FHIP2A: variants seen among roughly 807,000 people sequenced by gnomAD.
FHIP2A encodes FHF complex subunit HOOK interacting protein 2A, also known as family with sequence similarity 160 member B1.
A neutral mutation model predicts 93.5 loss-of-function variants in FHIP2A; 46 were observed. That is an observed-to-expected ratio of 0.49 (90% CI 0.39 to 0.63). The LOEUF (loss-of-function observed/expected upper bound fraction) is 0.63. FHIP2A is among the 20% of genes least tolerant of loss of function. The pLI is 0.00. For missense variants in FHIP2A, 769 were observed against 909.7 expected (o/e 0.85, Z 1.99); for synonymous variants, 332 against 326.5 (o/e 1.02, Z -0.18).
chr10:114,875,448 CT>C (rs2083880072), intron 16 of FHIP2A, among the ~76,000 whole-genome samples: 1 of 152,104 alleles, frequency 6.6e-6, no homozygotes, highest in Admixed American at 6.6e-5. Context: ...AATCCCAGCA[CT>C]TTGGCAGGCT....
At position 114,829,812 on chromosome 10, in the gene FHIP2A, T is replaced by C. The variant is rs149330602; in HGVS notation, c.46-1040T>C. Among the ~76,000 whole-genome samples the C allele has an allele frequency of 1.3e-3, 199 of 152,312 alleles. 1 individual carries two copies. The highest frequency in any genetic ancestry group is 3.3e-3 in the South Asian group (16 of 4,826). ...CTTTAAGGAAAAGAAATGTAGAAAG[T>C]GTATGCAAATCTTTTTCTATCCATT... On this transcript the variant is annotated intron_variant, in intron 1 of 16. Coordinates refer to ENST00000369248, the MANE Select transcript of FHIP2A (RefSeq NM_020940.4).
chr10:114,835,626 G>A lies in FHIP2A; in HGVS notation c.384G>A (p.Val128=), dbSNP rs1393784839. The A allele has an allele frequency of 6.2e-7, 1 of 1,605,510 alleles. No homozygotes were observed. The highest frequency in any genetic ancestry group is 1.7e-5 in the Admixed American group (1 of 59,828). ...AGCCACTACTTCCACACATTAACGT[G>A]CACAGGCCAGTGCAGGTATTTTGTT... ...IRQPLLPHIN[V]HRPVQKLIRL... is the part of the protein sequence containing the mutation. Residue 128 remains valine (V), a synonymous_variant, in exon 4 of 17, where the codon GTG becomes GTA. Transcript: ENST00000369248.
intron 16 of FHIP2A, among the ~76,000 whole-genome samples, chr10:114,896,573 C>T (rs896652222): frequency 3.3e-5 from 5 of 152,352 alleles, no homozygotes; most frequent in Admixed American, 2.6e-4. Context: ...TTTGGAAAGG[C>T]TCATCAGAAA....
chr10:114,831,983 A>G (rs2083610696), intron 2 of FHIP2A, among the ~76,000 whole-genome samples: 1 of 152,238 alleles, frequency 6.6e-6, no homozygotes, highest in Non-Finnish European at 1.5e-5. Context: ...GTTAGTATAC[A>G]TACAGACAAA....
intron 14 of FHIP2A, among the ~76,000 whole-genome samples, chr10:114,855,870 G>T (rs952581868): frequency 6.6e-6 from 1 of 152,180 alleles, no homozygotes; most frequent in African/African-American, 2.4e-5. Context: ...ATCACCATCA[G>T]CTGATAAGTT....
intron 13 of FHIP2A, among the ~76,000 whole-genome samples, chr10:114,851,735 A>AAAAAAAAAAC (rs2083737746): frequency 6.7e-6 from 1 of 150,216 alleles, no homozygotes. Flanking sequence ...AAAAAAAAAA[A>AAAAAAAAAAC]AGCAATTGAA....
At chr10:114,826,597 G>T (rs1012765344) in intron 1 of FHIP2A, among the ~76,000 whole-genome samples, 1 of 152,160 alleles carries the variant, frequency 6.6e-6, no homozygotes, top group African/African-American at 2.4e-5. Context: ...GATTGGAGTT[G>T]TTATAGAAGG....
chr10:114,855,383 A>G lies in FHIP2A; in HGVS notation c.1947+43A>G, dbSNP rs148387217. 1.3e-3 allele frequency: 2,002 copies of G among 1,528,600 alleles called. 15 individuals carry two copies. The African/African-American group carries it at 0.024, about 19-fold the overall frequency. 94.7% of individuals were successfully genotyped at this position (1,528,600 alleles called of 1,614,324 possible). A position where few individuals can be genotyped will look rare whatever the true frequency, so the allele number is the denominator to read the frequency against. ...ACTAATTTTCATATTTTTTTTTGCC[A>G]TTCACCACAGAATCATCTCAAGTCT... On this transcript the variant is annotated intron_variant, in intron 14 of 16. Coordinates refer to ENST00000369248, the MANE Select transcript of FHIP2A (RefSeq NM_020940.4).
chr10:114,846,044 A>T lies in FHIP2A; in HGVS notation c.1160A>T (p.His387Leu), dbSNP rs889252881. Residue 387 changes from histidine (H) to leucine (L), a missense_variant, in exon 9 of 17, where the codon CAT (histidine) becomes CTT (leucine). By Grantham distance (99) the His-to-Leu change is moderately conservative. Coordinates refer to ENST00000369248, the MANE Select transcript of FHIP2A (RefSeq NM_020940.4). ...GCTGTTGCTCTTGCCAAAGCTGTTC[A>T]TGAAAGATTTTTCATTGGTGTTATG... ...TAAVALAKAVHERFFIGVMEP... is the reference protein window; with the variant it reads ...TAAVALAKAVLERFFIGVMEP... 5.6e-6 allele frequency: 9 copies of T among 1,613,912 alleles called. No individual in the cohort carries two copies. The highest frequency in any genetic ancestry group is 7.6e-6 in the Non-Finnish European group (9 of 1,179,972).
chr10:114,873,745 C>T lies in FHIP2A; in HGVS notation c.2192+12411C>T, dbSNP rs918453169. Among the ~76,000 whole-genome samples, 4 of 152,108 alleles carry T rather than the reference C, an allele frequency of 2.6e-5. No homozygotes were observed. In the South Asian group the frequency reaches 8.3e-4, roughly 32 times the overall value. ...CCTTTGGGAACAGTTTCAGTTGGTTCCTGTGTCTCTTTAACATACCCCCAT... is the reference window on the plus strand; with the variant it reads ...CCTTTGGGAACAGTTTCAGTTGGTTTCTGTGTCTCTTTAACATACCCCCAT... On this transcript the variant is annotated intron_variant, in intron 16 of 16. Transcript: ENST00000369250.
In FHIP2A at chr10:114,861,977, A is replaced by C; in HGVS notation, c.*437A>C. 1 of 982,728 alleles carries C rather than the reference A, an allele frequency of 1.0e-6. No individual in the cohort carries two copies. Among genetic ancestry groups the C allele is most frequent in the Non-Finnish European group, 1.2e-6 (1 of 827,040 alleles). The allele number at this position is 982,728 out of a possible 1,614,324, so 60.9% of individuals were successfully genotyped here. On this transcript the variant is annotated 3_prime_UTR_variant, in exon 17 of 17. Coordinates refer to ENST00000369248, the MANE Select transcript of FHIP2A (RefSeq NM_020940.4). ...GTAGCAAAAAAAAATCACTAATTTTATAACTTTTTAAGGTCAGAATTCTTA... is the reference window on the plus strand; with the variant it reads ...GTAGCAAAAAAAAATCACTAATTTTCTAACTTTTTAAGGTCAGAATTCTTA...
intron 3 of FHIP2A, among the ~76,000 whole-genome samples, chr10:114,835,181 G>A (rs1348710116): frequency 1.3e-5 from 2 of 152,116 alleles, no homozygotes; most frequent in Non-Finnish European, 2.9e-5. Flanking sequence ...TTCCAGCGGG[G>A]TGTTAACTAT....
At chr10:114,867,202 C>T (rs1454411088), downstream of FHIP2A, among the ~76,000 whole-genome samples, 3 of 139,002 alleles carry the variant, frequency 2.2e-5, no homozygotes, top group African/African-American at 7.9e-5. Context: ...GAGTGAGACT[C>T]CATCTCAAAA....
Position 114,847,161 on chromosome 10 carries a change from G to T in FHIP2A, c.1640G>T (p.Ser547Ile). The T allele has an allele frequency of 6.2e-7, 1 of 1,613,586 alleles. No homozygotes were observed. Among genetic ancestry groups the T allele is most frequent in the South Asian group, 1.1e-5 (1 of 91,044 alleles). The change falls in exon 12 of 17, where the codon AGT becomes ATT. Residue 547 changes from serine to isoleucine, a missense_variant. Coordinates refer to ENST00000369248, the MANE Select transcript of FHIP2A (RefSeq NM_020940.4). ...ACTTTGCCAAACCAAGAGTGGCTTAGTTCTTCACCTCCTGCTACTCCAGAC... is the reference window on the plus strand; with the variant it reads ...ACTTTGCCAAACCAAGAGTGGCTTATTTCTTCACCTCCTGCTACTCCAGAC... The part of the protein sequence containing the change: ...ENTLPNQEWL[S>I]SSPPATPDHP...
chr10:114,892,331 T>C (rs552629424), intron 16 of FHIP2A, among the ~76,000 whole-genome samples: 25 of 152,302 alleles, frequency 1.6e-4, no homozygotes, highest in Middle Eastern at 3.4e-3. Flanking sequence ...TAGGTATACA[T>C]ATGTGCCATA....
rs1222597163 is a variant in FHIP2A, at chr10:114,863,423, C to T, written c.*1883C>T. 5 of 1,057,512 alleles carry T rather than the reference C, an allele frequency of 4.7e-6. No individual in the cohort carries two copies. The highest frequency in any genetic ancestry group is 5.7e-6 in the Non-Finnish European group (5 of 872,320). The allele number at this position is 1,057,512 out of a possible 1,614,324, so 65.5% of individuals were successfully genotyped here. ...GTAGCAATGATATTACCTCTGAAACCAAATACTCTTTTATCCTTGATTCCA... is the reference window on the plus strand; with the variant it reads ...GTAGCAATGATATTACCTCTGAAACTAAATACTCTTTTATCCTTGATTCCA... On this transcript the variant is annotated 3_prime_UTR_variant, in exon 17 of 17. Coordinates refer to ENST00000369248, the MANE Select transcript of FHIP2A (RefSeq NM_020940.4).
chr10:114,862,334 C>G lies in FHIP2A; in HGVS notation c.*794C>G, dbSNP rs2083805398. The G allele has an allele frequency of 1.0e-6, 1 of 987,386 alleles. No individual in the cohort carries two copies. The highest frequency in any genetic ancestry group is 1.2e-6 in the Non-Finnish European group (1 of 830,034). The allele number at this position is 987,386 out of a possible 1,614,324, so 61.2% of individuals were successfully genotyped here. A position where few individuals can be genotyped will look rare whatever the true frequency, so the allele number is the denominator to read the frequency against. On this transcript the variant is annotated 3_prime_UTR_variant, in exon 17 of 17. Transcript: ENST00000369248. ...AATTGTATTTTTTTAAGCTAAGTAA[C>G]ATGTACTGGGTTGAGAACCTTTTTC...
chr10:114,841,225 A>G (rs1450180930), intron 5 of FHIP2A, among the ~76,000 whole-genome samples: 3 of 151,992 alleles, frequency 2.0e-5, no homozygotes, highest in African/African-American at 4.8e-5. Context: ...GCCTCTCCCA[A>G]CAATATTACT....
chr10:114,891,543 G>A (rs1189334827), intron 16 of FHIP2A, among the ~76,000 whole-genome samples: 1 of 126,770 alleles, frequency 7.9e-6, no homozygotes, highest in Non-Finnish European at 1.6e-5. Context: ...ATATATGTGT[G>A]TGTGTGTGTG....
Sources: gnomAD v4.1 joint callset for allele counts (sites outside exome capture counted in the v4.1 genomes callset) on GRCh38, gnomAD v4.1.1 for gene constraint, MANE v1.5 for transcripts, NCBI Gene and HGNC (gene_info 2026-07-23, HGNC 2026-07-21) for gene names.